Variants in CNTN5 observed in about 807,000 individuals in gnomAD.
The protein encoded by CNTN5 is contactin-5.
CNTN5 carries 77 observed loss-of-function variants against 129.1 expected under a neutral mutation model. The observed-to-expected ratio is 0.60, with a 90% CI of 0.50 to 0.72. The LOEUF is 0.72. CNTN5 is among the 30% of genes least tolerant of loss of function. The pLI is 0.00. For missense variants in CNTN5, 1,478 were observed against 1,328.8 expected (o/e 1.11, Z -1.75); for synonymous variants, 509 against 465.6 (o/e 1.09, Z -1.20).
chr11:99,992,552 A>AACTATCAAAATATGAAGTTCATAGCCCT (rs1240608594), intron 8 of CNTN5, among the ~76,000 whole-genome samples: 1 of 152,184 alleles, frequency 6.6e-6, no homozygotes, highest in African/African-American at 2.4e-5. Flanking sequence ...CTGCTAAGGA[A>AACTATCAAAATATGAAGTTCATAGCCCT]ACTATCAAAA....
chr11:99,494,084 C>T (rs1946136290), intron 2 of CNTN5, among the ~76,000 whole-genome samples: 1 of 152,172 alleles, frequency 6.6e-6, no homozygotes, highest in African/African-American at 2.4e-5. Context: ...GATGCCTCCA[C>T]ATTTATTTAA....
At chr11:99,967,455 G>A (rs1951125128) in intron 8 of CNTN5, among the ~76,000 whole-genome samples, 1 of 152,106 alleles carries the variant, frequency 6.6e-6, no homozygotes, top group Non-Finnish European at 1.5e-5. Context: ...TATGAGGTAG[G>A]ATATTCCCAT....
At chr11:99,317,585 G>C (rs1050664571) in intron 1 of CNTN5, among the ~76,000 whole-genome samples, 1 of 151,922 alleles carries the variant, frequency 6.6e-6, no homozygotes, top group East Asian at 1.9e-4. Flanking sequence ...GCACATAAGC[G>C]TATCCCTAAC....
intron 1 of CNTN5, among the ~76,000 whole-genome samples, chr11:99,130,508 T>C (rs1170626834): frequency 6.6e-6 from 1 of 152,094 alleles, no homozygotes; most frequent in Non-Finnish European, 1.5e-5. Context: ...CCCCACACGA[T>C]AATAGTGGGA....
At chr11:99,328,090 A>C (rs1591528424) in intron 2 of CNTN5, among the ~76,000 whole-genome samples, 3 of 152,224 alleles carry the variant, frequency 2.0e-5, no homozygotes, top group African/African-American at 7.2e-5. Flanking sequence ...AATTTCAAAA[A>C]TAGGAAATCT....
At chr11:99,699,956 C>T (rs1371080218) in intron 3 of CNTN5, among the ~76,000 whole-genome samples, 2 of 151,380 alleles carry the variant, frequency 1.3e-5, no homozygotes, top group Non-Finnish European at 3.0e-5. Flanking sequence ...AACACAGCAG[C>T]CTGGCACATA....
intron 2 of CNTN5, among the ~76,000 whole-genome samples, chr11:99,431,305 T>A (rs1402282194): frequency 6.6e-6 from 1 of 152,082 alleles, no homozygotes; most frequent in Non-Finnish European, 1.5e-5. Context: ...GGGCCCAGAC[T>A]GAAGACTGCT....
At chr11:100,097,953 G>T (rs571155400) in intron 13 of CNTN5, among the ~76,000 whole-genome samples, 32 of 151,528 alleles carry the variant, frequency 2.1e-4, no homozygotes, top group Non-Finnish European at 3.8e-4. Context: ...CATGGTAAAA[G>T]AAATTAAATC....
intron 9 of CNTN5, among the ~76,000 whole-genome samples, chr11:100,020,383 G>A (rs1941071333): frequency 6.6e-6 from 1 of 151,984 alleles, no homozygotes; most frequent in African/African-American, 2.4e-5. Context: ...ATTTATTAAA[G>A]ACTGTCCTTT....
chr11:99,750,446 C>T (rs1431773162), intron 3 of CNTN5, among the ~76,000 whole-genome samples: 3 of 151,970 alleles, frequency 2.0e-5, no homozygotes, highest in Non-Finnish European at 4.4e-5. Flanking sequence ...ATTGATATAT[C>T]TCTAACAAGT....
At chr11:99,856,472 T>C (rs1431037856) in intron 6 of CNTN5, among the ~76,000 whole-genome samples, 1 of 152,176 alleles carries the variant, frequency 6.6e-6, no homozygotes, top group African/African-American at 2.4e-5. Context: ...CTGGAAGTTA[T>C]GTTTGTGGTG....
At chr11:99,692,970 C>G (rs1319578048) in intron 3 of CNTN5, among the ~76,000 whole-genome samples, 1 of 152,004 alleles carries the variant, frequency 6.6e-6, no homozygotes. Context: ...GACAGCTTCA[C>G]AGAGTTGGTG....
At chr11:99,991,743 G>GGTTTGTTTGTTTGTTT (rs141408293) in intron 8 of CNTN5, among the ~76,000 whole-genome samples, 1 of 140,408 alleles carries the variant, frequency 7.1e-6, no homozygotes, top group East Asian at 2.1e-4. Flanking sequence ...CAGACATGCA[G>GGTTTGTTTGTTTGTTT]GTTTGTTTGT....
chr11:99,463,443 G>GAAAAAAAA (rs66933434), intron 2 of CNTN5, among the ~76,000 whole-genome samples: 2 of 126,890 alleles, frequency 1.6e-5, no homozygotes, highest in African/African-American at 2.9e-5. Flanking sequence ...GTCTCAAAAA[G>GAAAAAAAA]AAAAAAAAAA....
chr11:99,691,208 G>A (rs1345770797), intron 3 of CNTN5, among the ~76,000 whole-genome samples: 1 of 151,652 alleles, frequency 6.6e-6, no homozygotes, highest in Non-Finnish European at 1.5e-5. Flanking sequence ...CCAGCACCTG[G>A]ATTTGTTGGT....
chr11:100,019,125 C>G (rs1222097278), intron 9 of CNTN5, among the ~76,000 whole-genome samples: 1 of 151,824 alleles, frequency 6.6e-6, no homozygotes. Context: ...TAGTGTGTCT[C>G]AAAAGGTACA....
intron 2 of CNTN5, among the ~76,000 whole-genome samples, chr11:99,398,086 C>T (rs1038763928): frequency 3.7e-4 from 56 of 151,822 alleles, no homozygotes; most frequent in Admixed American, 3.1e-3. Context: ...CACCTGGCTC[C>T]GACTGTCAGC....
chr11:99,051,285 G>A (rs1490375195), intron 1 of CNTN5, among the ~76,000 whole-genome samples: 1 of 151,806 alleles, frequency 6.6e-6, no homozygotes, highest in Non-Finnish European at 1.5e-5. Flanking sequence ...TCAATGTAAT[G>A]GCATCAGTTT....
chr11:99,884,489 C>T (rs1948848107), intron 6 of CNTN5, among the ~76,000 whole-genome samples: 1 of 152,008 alleles, frequency 6.6e-6, no homozygotes, highest in African/African-American at 2.4e-5. Flanking sequence ...ATTGTTGAAG[C>T]AGAAGAGAAC....
Sources: allele counts gnomAD v4.1 joint callset (sites outside exome capture counted in the v4.1 genomes callset), GRCh38; gene constraint gnomAD v4.1.1; transcripts MANE v1.5; gene names NCBI Gene and HGNC (gene_info 2026-07-23, HGNC 2026-07-21).